KIF18B: variants seen among roughly 807,000 people sequenced by gnomAD.
The protein encoded by KIF18B is kinesin-like protein KIF18B.
KIF18B carries 49 observed loss-of-function variants against 80.9 expected under a neutral mutation model. The observed-to-expected ratio is 0.61, with a 90% CI of 0.48 to 0.77. The LOEUF is 0.77. Among genes scored for constraint, KIF18B ranks in the 30% least tolerant of loss-of-function variants. KIF18B has a pLI of 0.00. For synonymous variants in KIF18B, 439 were observed against 463.9 expected (o/e 0.95, Z 0.69); for missense variants, 994 against 1,127.7 (o/e 0.88, Z 1.70).
chr17:44,926,618 CA>C, intron 14 of KIF18B, 119 bp from the exon 15 acceptor site: 9 of 1,007,854 alleles, frequency 8.9e-6, no homozygotes, highest in Non-Finnish European at 1.1e-5. Flanking sequence ...GGCTGCTGGG[CA>C]CCAGCAGGAG....
intron 1 of KIF18B, among the ~76,000 whole-genome samples, chr17:44,947,113 CAA>C (rs57955845): frequency 0.21 from 10,807 of 52,420 alleles, 243 homozygotes; most frequent in African/African-American, 0.25. Context: ...ACTCCATCTC[CAA>C]AAAAAAAAAA....
chr17:44,926,932 C>T, intron 14 of KIF18B, 57 bp downstream of exon 14: 2 of 1,462,470 alleles, frequency 1.4e-6, no homozygotes, highest in Non-Finnish European at 9.4e-7. Context: ...CAGGTGTCTA[C>T]TGCCCTGGTG....
intron 1 of KIF18B, among the ~76,000 whole-genome samples, chr17:44,943,731 C>T (rs567796184): frequency 6.6e-6 from 1 of 151,346 alleles, no homozygotes; most frequent in East Asian, 1.9e-4. Context: ...TTTTTTAGAC[C>T]AGGTCTCATG....
chr17:44,943,738 C>T (rs1470398628), intron 1 of KIF18B, among the ~76,000 whole-genome samples: 1 of 152,084 alleles, frequency 6.6e-6, no homozygotes, highest in East Asian at 1.9e-4. Flanking sequence ...GACCAGGTCT[C>T]ATGTTGTTGC....
chr17:44,946,205 A>T (rs75963222), intron 1 of KIF18B, among the ~76,000 whole-genome samples: 7,350 of 152,326 alleles, frequency 0.048, 263 homozygotes, highest in Non-Finnish European at 0.079. Flanking sequence ...AAAATATGCT[A>T]CATGGATACT....
intron 1 of KIF18B, among the ~76,000 whole-genome samples, chr17:44,944,725 A>C (rs2145752499): frequency 6.6e-6 from 1 of 152,332 alleles, no homozygotes; most frequent in East Asian, 1.9e-4. Flanking sequence ...AAACTAACTC[A>C]GTTTCCTCTA....
At chr17:44,947,416 A>T (rs370032047) in intron 1 of KIF18B, among the ~76,000 whole-genome samples, 5 of 152,268 alleles carry the variant, frequency 3.3e-5, no homozygotes, top group African/African-American at 1.2e-4. Flanking sequence ...ACGGGTGTGT[A>T]AGGAAGCGCT....
intron 7 of KIF18B, 138 bp from the exon 8 acceptor site, chr17:44,933,124 G>A: frequency 1.4e-6 from 1 of 700,566 alleles, no homozygotes; most frequent in East Asian, 2.8e-5. Context: ...ACACAGCAGA[G>A]AAGGTCAGTA....
At chr17:44,946,108 A>G (rs755292138) in intron 1 of KIF18B, among the ~76,000 whole-genome samples, 1 of 151,986 alleles carries the variant, frequency 6.6e-6, no homozygotes, top group Non-Finnish European at 1.5e-5. Context: ...GTAATTGCTT[A>G]TGTAAAAAGA....
rs2052060981 is a variant in KIF18B at position 44,927,857 on chromosome 17, C to G, written c.2276+169G>C. Among the ~76,000 whole-genome samples, 1 of 152,304 alleles carries G rather than the reference C, an allele frequency of 6.6e-6. No homozygotes were observed. The highest frequency in any genetic ancestry group is 2.4e-5 in the African/African-American group (1 of 41,554). On this transcript the variant is annotated intron_variant, in intron 13 of 15. Coordinates refer to ENST00000593135, the MANE Select transcript of KIF18B (RefSeq NM_001265577.2). This position sits in a 1 kb window ranked among gnomAD's most constrained non-coding sequence, Gnocchi z 4.1. The stretch of plus-strand genomic sequence containing the variant: ...AGGGGCCCCAGGAGAAGTGACACCT[C>G]CCTGGCAGCTGTTGGGCCTGGGGAG...
At chr17:44,926,897 A>G in intron 14 of KIF18B, 92 bp downstream of exon 14, 1 of 1,101,196 alleles carries the variant, frequency 9.1e-7, no homozygotes, top group South Asian at 1.3e-5. Context: ...GTAGAGACAG[A>G]GACACTGGGG....
intron 1 of KIF18B, among the ~76,000 whole-genome samples, chr17:44,939,190 G>C (rs1192307371): frequency 6.6e-6 from 1 of 151,670 alleles, no homozygotes; most frequent in East Asian, 1.9e-4. Context: ...GGCCAACATG[G>C]TGAAACCCTG....
chr17:44,926,460 G>C lies in KIF18B; in HGVS notation c.2406C>G (p.Leu802=), dbSNP rs1203770877. The C allele has an allele frequency of 6.3e-7, 1 of 1,588,998 alleles. No homozygotes were observed. The highest frequency in any genetic ancestry group is 1.8e-5 in the Admixed American group (1 of 54,878). ...CTGGCCTCTTCAAAGTGCTGCTGGG[G>C]AGGCGGGCGATGCGGCTGCGGCCAT... is the stretch of plus-strand genomic sequence containing the variant. ...VSHGRSRIAR[L]PSSTLKRPAG... The change falls in exon 15 of 16, where the codon CTC becomes CTG. Residue 802 remains leucine (L), a synonymous_variant. Coordinates refer to ENST00000593135, the MANE Select transcript of KIF18B (RefSeq NM_001265577.2).
intron 1 of KIF18B, among the ~76,000 whole-genome samples, chr17:44,946,123 G>A (rs141399115): frequency 1.3e-5 from 2 of 151,802 alleles, no homozygotes; most frequent in East Asian, 3.9e-4. Context: ...AAAAGATTAT[G>A]TTTTATACAA....
At chr17:44,929,069 C>T in intron 11 of KIF18B, 45 bp from the exon 12 acceptor site, 1 of 1,560,492 alleles carries the variant, frequency 6.4e-7, no homozygotes, top group South Asian at 1.1e-5. Flanking sequence ...CAGACTCAGC[C>T]TGACCAGGAG....
rs2052044619 is a variant in KIF18B at position 44,927,060 on chromosome 17, G to A, written c.2295C>T (p.Phe765=). 1.2e-6 allele frequency: 2 copies of A among 1,611,954 alleles called. No individual in the cohort carries two copies. Among genetic ancestry groups the A allele is most frequent in the Non-Finnish European group, 1.7e-6 (2 of 1,178,958 alleles). The change falls in exon 14 of 16, where the codon TTC becomes TTT. Residue 765 remains phenylalanine, a synonymous_variant. Coordinates refer to ENST00000593135, the MANE Select transcript of KIF18B (RefSeq NM_001265577.2). This position sits in a 1 kb window ranked among gnomAD's most constrained non-coding sequence, Gnocchi z 4.1. ...ATGTTGGCTTGGGGCCCTTCATGGT[G>A]AACAGGGGCACAGGTGCCCTGGGGA... ...PFIPRAPVPL[F]TMKGPKPTSS...
At chr17:44,929,094 A>C in intron 11 of KIF18B, 70 bp from the exon 12 acceptor site, 1 of 1,339,762 alleles carries the variant, frequency 7.5e-7, no homozygotes, top group South Asian at 1.2e-5. Context: ...TATGCCATGC[A>C]CCTGTCCTCA....
At position 44,934,006 on chromosome 17, in the gene KIF18B, C is replaced by T; in HGVS notation, c.979G>A (p.Ala327Thr). 6.2e-7 allele frequency: 1 copy of T among 1,609,786 alleles called. No individual in the cohort carries two copies. The highest frequency in any genetic ancestry group is 8.5e-7 in the Non-Finnish European group (1 of 1,178,268). ...TAGGTCAGGCTGGAGGGGCTGATGG[C>T]AGCGATCATCACTGTGCGGCAGTTG... ...GGNCRTVMIAAISPSSLTYED... is the reference protein window; with the variant it reads ...GGNCRTVMIATISPSSLTYED... Residue 327 changes from alanine to threonine, a missense_variant, in exon 7 of 16, where the codon GCC (alanine) becomes ACC (threonine). Physicochemically the swap from Ala to Thr is moderately conservative, Grantham distance 58. Coordinates refer to ENST00000593135, the MANE Select transcript of KIF18B (RefSeq NM_001265577.2). The surrounding 1 kb of genome is among the most constrained non-coding windows in gnomAD (Gnocchi z 5.4).
intron 1 of KIF18B, among the ~76,000 whole-genome samples, 199 bp from the exon 2 acceptor site, chr17:44,936,557 T>C (rs1227787769): frequency 3.8e-5 from 1 of 26,464 alleles, no homozygotes; most frequent in Non-Finnish European, 6.3e-5. Context: ...CTCAAATGAC[T>C]CTCTCTCTCT....
Sources: gnomAD v4.1 joint callset for allele counts (sites outside exome capture counted in the v4.1 genomes callset) on GRCh38, gnomAD v4.1.1 for gene constraint, Gnocchi (gnomAD v3.1) non-coding constraint, MANE v1.5 for transcripts, NCBI Gene and HGNC (gene_info 2026-07-23, HGNC 2026-07-21) for gene names.